The following XKR7 variants were observed in gnomAD, a reference collection of about 807,000 sequenced individuals.
XKR7 encodes the protein XK-related protein 7.
XKR7 carries 11 observed loss-of-function variants against 42.2 expected under a neutral mutation model. The observed-to-expected ratio is 0.26, with a 90% confidence interval of 0.16 to 0.43. The LOEUF (loss-of-function observed/expected upper bound fraction) is 0.43. Among genes scored for constraint, XKR7 ranks in the 20% least tolerant of loss-of-function variants. XKR7 has a pLI of 1.00. For missense variants in XKR7, 710 were observed against 802.2 expected, an observed-to-expected ratio of 0.89 and a Z score of 1.39; for synonymous variants, 346 against 366.4, an observed-to-expected ratio of 0.94 and a Z score of 0.64.
rs1458307519 is a variant in XKR7 at position 31,997,498 on chromosome 20, C to T, written c.*41C>T. On this transcript the variant is annotated 3_prime_UTR_variant, in exon 3 of 3. Coordinates refer to ENST00000562532, the MANE Select transcript of XKR7 (RefSeq NM_001011718.2). ...CACAAAAGGGACAGGCTTGGCTGAT[C>T]CCACATCCGCCGCAGTGTTGTGCCC... The T allele has an allele frequency of 6.6e-7, 1 of 1,519,964 alleles. No individual in the cohort carries two copies. The highest frequency in any genetic ancestry group is 1.4e-5 in the African/African-American group (1 of 73,324). The allele number at this position is 1,519,964 out of a possible 1,614,324, so 94.2% of individuals were successfully genotyped here. A position where few individuals can be genotyped will look rare whatever the true frequency, so the allele number is the denominator to read the frequency against.
Position 31,968,651 on chromosome 20 carries a change from C to T in XKR7, c.476C>T (p.Pro159Leu). ...AAAGAAGGCAGCCCCGAGCCGGGTC[C>T]CCAGCCTGCGCCCTCCTCGGCCAGC... is the stretch of plus-strand genomic sequence containing the variant. ...RTKEGSPEPG[P>L]QPAPSSASAY... Residue 159 changes from proline (P) to leucine (L), a missense_variant, in exon 1 of 3, where the codon CCC (proline) becomes CTC (leucine). Physicochemically the swap from Pro to Leu is moderately conservative, Grantham distance 98 (BLOSUM62 -3). Transcript: ENST00000562532. This position sits in a 1 kb window ranked among gnomAD's most constrained non-coding sequence, Gnocchi z 4.5. 6.3e-7 allele frequency: 1 copy of T among 1,581,892 alleles called. No individual in the cohort carries two copies.
chr20:31,978,576 A>G (rs1381314964), intron 1 of XKR7, among the ~76,000 whole-genome samples: 1 of 152,256 alleles, frequency 6.6e-6, no homozygotes, highest in Non-Finnish European at 1.5e-5. Context: ...TTCTGCAGTC[A>G]TGAAAATGTC....
At chr20:31,980,057 TGGGATGGGAGA>T (rs1386697437) in intron 1 of XKR7, among the ~76,000 whole-genome samples, 1 of 128,536 alleles carries the variant, frequency 7.8e-6, no homozygotes, top group Non-Finnish European at 1.6e-5. Context: ...TGAGGGTGAG[TGGGATGGGAGA>T]GGGTCTCAGC....
chr20:31,973,531 G>A (rs956948430), intron 1 of XKR7, among the ~76,000 whole-genome samples: 5 of 152,174 alleles, frequency 3.3e-5, no homozygotes, highest in Non-Finnish European at 5.9e-5. Context: ...AGCTACTGGA[G>A]TGCCAGGGAG....
At chr20:31,990,321 G>T (rs913036057) in intron 1 of XKR7, among the ~76,000 whole-genome samples, 2 of 152,018 alleles carry the variant, frequency 1.3e-5, no homozygotes, top group Non-Finnish European at 2.9e-5. Context: ...GTGAGCCACT[G>T]CACCCTGCCC....
intron 1 of XKR7, among the ~76,000 whole-genome samples, chr20:31,987,421 C>T (rs1317485709): frequency 6.7e-6 from 1 of 148,462 alleles, no homozygotes; most frequent in Non-Finnish European, 1.5e-5. Context: ...ACCAAGTAGA[C>T]CCAGCATCCA....
chr20:31,973,932 C>T (rs931048781), intron 1 of XKR7, among the ~76,000 whole-genome samples: 2 of 152,064 alleles, frequency 1.3e-5, no homozygotes, highest in African/African-American at 2.4e-5. Flanking sequence ...CAGTGGCTCA[C>T]GCTTGTAATC....
At chr20:31,981,435 T>C (rs6089139) in intron 1 of XKR7, among the ~76,000 whole-genome samples, 5,250 of 152,246 alleles carry the variant, frequency 0.034, 152 homozygotes, top group Admixed American at 0.093. Flanking sequence ...CTCACGCCTG[T>C]AATCCCAGCC....
chr20:31,977,774 G>T (rs1254733694), intron 1 of XKR7, among the ~76,000 whole-genome samples: 1 of 152,156 alleles, frequency 6.6e-6, no homozygotes, highest in East Asian at 1.9e-4. Context: ...GTAAAGGGAG[G>T]CACAGTCTTT....
rs1394155923 is a variant in XKR7 at position 31,995,310 on chromosome 20, C to T, written c.787+40C>T. ...TCACCCTCTGCGCCTGGGACCACCC[C>T]ACCGGGCCTTTCTCCCTGCTTCAGG... On this transcript the variant is annotated intron_variant, in intron 2 of 2. Coordinates refer to ENST00000562532, the MANE Select transcript of XKR7 (RefSeq NM_001011718.2). This position sits in a 1 kb window ranked among gnomAD's most constrained non-coding sequence, Gnocchi z 4.1. 3.3e-6 allele frequency: 5 copies of T among 1,531,796 alleles called. No homozygotes were observed. The highest frequency in any genetic ancestry group is 4.4e-6 in the Non-Finnish European group (5 of 1,145,666). The allele number at this position is 1,531,796 out of a possible 1,614,324, so 94.9% of individuals were successfully genotyped here.
intron 1 of XKR7, among the ~76,000 whole-genome samples, chr20:31,983,265 T>C (rs546943264): frequency 6.6e-6 from 1 of 152,314 alleles, no homozygotes; most frequent in African/African-American, 2.4e-5. Context: ...CCTGCAGTGC[T>C]AGGGGAAAGA....
chr20:31,989,284 C>CCCCCG, intron 1 of XKR7, among the ~76,000 whole-genome samples: 1 of 150,912 alleles, frequency 6.6e-6, no homozygotes, highest in Non-Finnish European at 1.5e-5. Flanking sequence ...CACCCCCCCC[C>CCCCCG]CAGCGCATCT....
chr20:31,991,409 C>T (rs2064570257), intron 1 of XKR7, among the ~76,000 whole-genome samples: 1 of 152,074 alleles, frequency 6.6e-6, no homozygotes, highest in African/African-American at 2.4e-5. Context: ...CTCCCCCAGC[C>T]CCCACCTCTG....
Position 31,995,203 on chromosome 20 carries a change from C to A in XKR7, c.720C>A (p.Ser240Arg). The change falls in exon 2 of 3, where the codon AGC (serine) becomes AGA (arginine). Residue 240 changes from serine to arginine, a missense_variant. Ser to Arg is a moderately radical substitution (Grantham distance 110). Transcript: ENST00000562532. The surrounding 1 kb of genome is among the most constrained non-coding windows in gnomAD (Gnocchi z 4.1). ...MLRLLETFLR[S>R]APQLVLQLSL... ...GCTTGCTGGAGACCTTCCTGCGCAG[C>A]GCGCCGCAGCTAGTGCTGCAGCTCA... The A allele has an allele frequency of 6.5e-7, 1 of 1,546,358 alleles. No homozygotes were observed. The highest frequency in any genetic ancestry group is 8.7e-7 in the Non-Finnish European group (1 of 1,146,192).
chr20:31,982,153 G>A (rs1203161693), intron 1 of XKR7, among the ~76,000 whole-genome samples: 2 of 152,216 alleles, frequency 1.3e-5, no homozygotes, highest in Non-Finnish European at 2.9e-5. Context: ...CCACCAGTGG[G>A]TTGGGTCTGT....
chr20:31,983,377 G>A (rs2064522409), intron 1 of XKR7, among the ~76,000 whole-genome samples: 1 of 152,240 alleles, frequency 6.6e-6, no homozygotes, highest in Admixed American at 6.5e-5. Flanking sequence ...CAGAGAGGCT[G>A]CAGAAGTGCT....
chr20:31,971,477 G>A (rs959122869), intron 1 of XKR7, among the ~76,000 whole-genome samples: 1 of 152,194 alleles, frequency 6.6e-6, no homozygotes, highest in Non-Finnish European at 1.5e-5. Context: ...TAAATGGAGG[G>A]AAAACCCAGA....
intron 1 of XKR7, among the ~76,000 whole-genome samples, chr20:31,974,357 C>T (rs925846611): frequency 6.6e-6 from 1 of 152,092 alleles, no homozygotes; most frequent in Admixed American, 6.5e-5. Flanking sequence ...CTAATGCGAC[C>T]TCTTTCCTTC....
At chr20:31,984,737 C>T (rs1472689208) in intron 1 of XKR7, among the ~76,000 whole-genome samples, 1 of 152,186 alleles carries the variant, frequency 6.6e-6, no homozygotes, top group East Asian at 1.9e-4. Context: ...GCTGGGCAGC[C>T]GTACTGCACA....
Sources: gnomAD v4.1 joint callset for allele counts (sites outside exome capture counted in the v4.1 genomes callset) on GRCh38, gnomAD v4.1.1 for gene constraint, Gnocchi (gnomAD v3.1) non-coding constraint, MANE v1.5 for transcripts, NCBI Gene and HGNC (gene_info 2026-07-23, HGNC 2026-07-21) for gene names.